PITPNM2: variants seen among roughly 807,000 people sequenced by gnomAD.
PITPNM2 encodes phosphatidylinositol transfer protein membrane associated 2.
In PITPNM2, 35 loss-of-function variants were observed where a neutral mutation model predicts 132.2. That is an observed-to-expected ratio of 0.26 (90% confidence interval 0.20 to 0.35). The LOEUF (loss-of-function observed/expected upper bound fraction) is 0.35, where lower values mean the gene tolerates loss of function less well. Ranked by LOEUF, PITPNM2 falls within the 10% of genes least tolerant of loss-of-function variation. The pLI is 1.00. For synonymous variants in PITPNM2, 738 were observed against 799.2 expected (o/e 0.92, Z 1.29); for missense variants, 1,332 against 1,912.0 (o/e 0.70, Z 5.66).
intron 2 of PITPNM2, among the ~76,000 whole-genome samples, chr12:123,063,421 C>T (rs775183475): frequency 6.6e-6 from 1 of 152,186 alleles, no homozygotes; most frequent in Non-Finnish European, 1.5e-5. Context: ...CACACAGGAG[C>T]CCCCAGGGCT....
intron 2 of PITPNM2, among the ~76,000 whole-genome samples, chr12:123,093,667 A>G (rs578195285): frequency 1.3e-5 from 2 of 152,290 alleles, no homozygotes; most frequent in South Asian, 2.1e-4. Context: ...AGGGAGAACA[A>G]GCAAAAGATT....
intron 3 of PITPNM2, among the ~76,000 whole-genome samples, chr12:123,017,919 C>T (rs893580065): frequency 1.3e-5 from 2 of 151,984 alleles, no homozygotes; most frequent in Admixed American, 6.6e-5. Context: ...TCCCTCCATC[C>T]ATCCCTTCCT....
intron 8 of PITPNM2, among the ~76,000 whole-genome samples, chr12:123,003,904 C>A (rs773554386): frequency 2.0e-5 from 3 of 152,142 alleles, no homozygotes; most frequent in Non-Finnish European, 2.9e-5. Context: ...TATGGTCATG[C>A]GCTTATTTTG....
intron 3 of PITPNM2, among the ~76,000 whole-genome samples, chr12:123,026,359 G>A (rs1017114296): frequency 1.3e-5 from 2 of 152,260 alleles, no homozygotes; most frequent in Admixed American, 1.3e-4. Flanking sequence ...ACAAGGAAGG[G>A]TCTACCCGTA....
In PITPNM2 at chr12:122,986,467, C is replaced by T. The variant is rs1157505536; in HGVS notation, c.3695G>A (p.Arg1232Gln). The change falls in exon 25 of 26, where the codon CGG becomes CAG. Residue 1232 changes from arginine (R) to glutamine (Q), a missense_variant. Arg to Gln is a conservative substitution (Grantham distance 43, BLOSUM62 1). Coordinates refer to ENST00000320201, the MANE Select transcript of PITPNM2 (RefSeq NM_020845.3). ...CTGCTGCTGCAGCTTCTTGGTGGGC[C>T]GGCCCACGATGTAGATCTGCATGGG... ...LSPMQIYIVG[R>Q]PTKKLQQQCQ... 12 of 1,578,592 alleles carry T rather than the reference C, an allele frequency of 7.6e-6. No homozygotes were observed. Among genetic ancestry groups the T allele is most frequent in the African/African-American group, 1.3e-5 (1 of 74,544 alleles).
At chr12:123,096,844 G>A (rs1470268207) in intron 2 of PITPNM2, among the ~76,000 whole-genome samples, 2 of 152,124 alleles carry the variant, frequency 1.3e-5, no homozygotes, top group African/African-American at 4.8e-5. Context: ...ATGGCAGGCT[G>A]GCCATAGAAT....
chr12:123,017,471 A>G (rs2039473217), intron 3 of PITPNM2, among the ~76,000 whole-genome samples: 1 of 152,244 alleles, frequency 6.6e-6, no homozygotes, highest in Admixed American at 6.5e-5. Context: ...AATAACTGAA[A>G]ACAGAGACTT....
chr12:123,005,089 A>C lies in PITPNM2; in HGVS notation c.952+151T>G. The C allele has an allele frequency of 1.0e-6, 1 of 958,016 alleles. No homozygotes were observed. Among genetic ancestry groups the C allele is most frequent in the South Asian group, 1.6e-5 (1 of 60,688 alleles). 59.3% of individuals were successfully genotyped at this position (958,016 alleles called of 1,614,324 possible). A position where few individuals can be genotyped will look rare whatever the true frequency, so the allele number is the denominator to read the frequency against. ...CAGGGCCCAGGCTTCCCTGTGTGCG[A>C]GGACTAGCCCAGGGCTCTGACTCCC... On this transcript the variant is annotated intron_variant, in intron 7 of 25. Coordinates refer to ENST00000320201, the MANE Select transcript of PITPNM2 (RefSeq NM_020845.3). The surrounding 1 kb of genome is among the most constrained non-coding windows in gnomAD (Gnocchi z 6.2).
rs1212744374 is a variant in PITPNM2 at position 123,095,883 on chromosome 12, C to T, written c.-96+14502G>A. ...TGAGGCTCCCTTCATGGGCTCCACG[C>T]CCCAGTGGCAGACCCCCCCAACCCC... is the stretch of plus-strand genomic sequence containing the variant. On this transcript the variant is annotated intron_variant, in intron 2 of 25. Coordinates refer to ENST00000320201, the MANE Select transcript of PITPNM2 (RefSeq NM_020845.3). This position sits in a 1 kb window ranked among gnomAD's most constrained non-coding sequence, Gnocchi z 5.0. 6.6e-6 allele frequency among the ~76,000 whole-genome samples: 1 copy of T among 152,266 alleles called. No homozygotes were observed. The highest frequency in any genetic ancestry group is 1.5e-5 in the Non-Finnish European group (1 of 68,052).
rs754337761 is a variant in PITPNM2 at position 122,988,218 on chromosome 12, C to G, written c.2997+16G>C. ...GGGTGACATCGTGGGGGCCTGGGCG[C>G]CCGGGGGACCCTCACCCGCAGCTTC... On this transcript the variant is annotated intron_variant, in intron 20 of 25. Transcript: ENST00000320201. 1.2e-6 allele frequency: 2 copies of G among 1,608,222 alleles called. No individual in the cohort carries two copies. Among genetic ancestry groups the G allele is most frequent in the Non-Finnish European group, 1.7e-6 (2 of 1,176,654 alleles).
In PITPNM2 at chr12:122,987,345, C is replaced by T. The variant is rs1386428993; in HGVS notation, c.3349G>A (p.Ala1117Thr). Residue 1117 changes from alanine (A) to threonine (T), a missense_variant, in exon 23 of 26, where the codon GCC (alanine) becomes ACC (threonine). Ala to Thr is a moderately conservative substitution (Grantham distance 58, BLOSUM62 0). Coordinates refer to ENST00000320201, the MANE Select transcript of PITPNM2 (RefSeq NM_020845.3). Reference protein sequence around the residue: ...FVVFSIDGSFAASVSIMGSDP... With the variant: ...FVVFSIDGSFTASVSIMGSDP... ...CTGCCCATGATGGACACGCTAGCGG[C>T]AAAGGAACCGTCGATGCTGAAGACC... The T allele has an allele frequency of 6.2e-7, 1 of 1,612,834 alleles. No individual in the cohort carries two copies. The highest frequency in any genetic ancestry group is 2.2e-5 in the East Asian group (1 of 44,888).
chr12:123,013,792 G>C (rs1233941345), intron 4 of PITPNM2, 36 bp downstream of exon 4: 2 of 1,596,344 alleles, frequency 1.3e-6, no homozygotes, highest in Non-Finnish European at 1.7e-6. Flanking sequence ...ATGGCATGTG[G>C]AGGTGGGAGG....
intron 2 of PITPNM2, among the ~76,000 whole-genome samples, chr12:123,035,555 A>T (rs1392452998): frequency 6.6e-6 from 1 of 151,990 alleles, no homozygotes; most frequent in African/African-American, 2.4e-5. Flanking sequence ...GGTCCCAACT[A>T]CTTGGGAGGC....
In PITPNM2 at chr12:122,988,871, G is replaced by A. The variant is rs1387909913; in HGVS notation, c.2733C>T (p.Val911=). The change falls in exon 19 of 26, where the codon GTC becomes GTT. Residue 911 remains valine (V), a splice_region_variant and synonymous_variant. Coordinates refer to ENST00000320201, the MANE Select transcript of PITPNM2 (RefSeq NM_020845.3). ...GCTTCTGGCCCCACCACTTTGCAGC[G>A]ACTGCCAGGAGGGGCCGTGACTGGG... ...PGLPELDIGE[V]AAKWWGQKRI... is the part of the protein sequence containing the mutation. The A allele has an allele frequency of 1.8e-5, 28 of 1,559,942 alleles. No homozygotes were observed. Among genetic ancestry groups the A allele is most frequent in the African/African-American group, 6.8e-5 (5 of 73,692 alleles).
chr12:123,013,035 G>C (rs1014321520), intron 4 of PITPNM2, among the ~76,000 whole-genome samples: 2 of 152,238 alleles, frequency 1.3e-5, no homozygotes, highest in Non-Finnish European at 2.9e-5. Flanking sequence ...AGCTATGGCA[G>C]CATACTGCCA....
chr12:123,048,364 G>T lies in PITPNM2; in HGVS notation c.-95-13679C>A, dbSNP rs2040734875. 2.0e-5 allele frequency among the ~76,000 whole-genome samples: 3 copies of T among 151,828 alleles called. No individual in the cohort carries two copies. The South Asian group carries it at 6.2e-4, about 32-fold the overall frequency. ...AGAGACAGAAAGTAGAATGGTGGGT[G>T]CTAGGGACTTGGGGAAAGGAGAATG... On this transcript the variant is annotated intron_variant, in intron 2 of 25. Transcript: ENST00000320201.
chr12:123,051,117 C>T (rs1222054214), intron 2 of PITPNM2, among the ~76,000 whole-genome samples: 1 of 152,178 alleles, frequency 6.6e-6, no homozygotes, highest in Non-Finnish European at 1.5e-5. Flanking sequence ...CAAGGCCCAC[C>T]CCTCGCTGAC....
intron 2 of PITPNM2, among the ~76,000 whole-genome samples, chr12:123,039,151 T>G (rs1039489883): frequency 1.3e-5 from 2 of 152,058 alleles, no homozygotes; most frequent in Admixed American, 1.3e-4. Flanking sequence ...GGCTGCATCC[T>G]GGGGAGATGA....
At chr12:123,028,313 C>T (rs1441849355) in intron 3 of PITPNM2, among the ~76,000 whole-genome samples, 1 of 152,220 alleles carries the variant, frequency 6.6e-6, no homozygotes, top group Non-Finnish European at 1.5e-5. Context: ...GCGAGCCCAG[C>T]CCATCTTTTT....
Sources: allele counts gnomAD v4.1 joint callset (sites outside exome capture counted in the v4.1 genomes callset), GRCh38; gene constraint gnomAD v4.1.1; non-coding constraint Gnocchi (gnomAD v3.1); transcripts MANE v1.5; gene names NCBI Gene and HGNC (gene_info 2026-07-23, HGNC 2026-07-21).